The following NTNG1 variants were observed in gnomAD, a reference collection of about 807,000 sequenced individuals.
NTNG1 encodes netrin G1.
A neutral mutation model predicts 54.0 loss-of-function variants in NTNG1; 16 were observed. That is an observed-to-expected ratio of 0.30 (90% confidence interval 0.20 to 0.45). The LOEUF is 0.45. NTNG1 is among the 20% of genes least tolerant of loss of function. The pLI, the probability that NTNG1 is intolerant of heterozygous loss-of-function variation, is 1.00. For missense variants in NTNG1, 530 were observed against 678.7 expected, an observed-to-expected ratio of 0.78 and a Z score of 2.43; for synonymous variants, 255 against 263.1, an observed-to-expected ratio of 0.97 and a Z score of 0.30.
intron 3 of NTNG1, among the ~76,000 whole-genome samples, chr1:107,366,258 C>T (rs989755269): frequency 6.6e-6 from 1 of 152,132 alleles, no homozygotes; most frequent in African/African-American, 2.4e-5. Flanking sequence ...GAAAAGAGCA[C>T]GACACCAGCT....
At chr1:107,304,369 T>C (rs887580336) in intron 2 of NTNG1, among the ~76,000 whole-genome samples, 1 of 152,226 alleles carries the variant, frequency 6.6e-6, no homozygotes, top group Non-Finnish European at 1.5e-5. Context: ...AGTTGTAAGC[T>C]GCCAATAAAA....
chr1:107,189,658 A>G (rs898290629), intron 2 of NTNG1, among the ~76,000 whole-genome samples: 1 of 152,094 alleles, frequency 6.6e-6, no homozygotes, highest in Non-Finnish European at 1.5e-5. Flanking sequence ...TCCTAGCTGA[A>G]TGTATAAACC....
intron 2 of NTNG1, among the ~76,000 whole-genome samples, chr1:107,257,469 C>T (rs1177553360): frequency 6.6e-6 from 1 of 152,180 alleles, no homozygotes; most frequent in Non-Finnish European, 1.5e-5. Flanking sequence ...CTCTTTGGAA[C>T]TAGAGGATTT....
rs1668497587 is a variant in NTNG1 at position 107,334,992 on chromosome 1, T to C, written c.887+10070T>C. 2.0e-5 allele frequency among the ~76,000 whole-genome samples: 3 copies of C among 152,120 alleles called. No individual in the cohort carries two copies. The South Asian group carries it at 6.2e-4, about 31-fold the overall frequency. ...ATGTCACTTCATCCAATCAACCAGATCGCAAAGCTTCAGGCTTTAACCAAT... is the reference window on the plus strand; with the variant it reads ...ATGTCACTTCATCCAATCAACCAGACCGCAAAGCTTCAGGCTTTAACCAAT... On this transcript the variant is annotated intron_variant, in intron 3 of 7. Coordinates refer to ENST00000370068, the MANE Select transcript of NTNG1 (RefSeq NM_001113226.3).
chr1:107,443,800 C>T (rs1394576674), intron 7 of NTNG1, among the ~76,000 whole-genome samples: 1 of 152,056 alleles, frequency 6.6e-6, no homozygotes, highest in Non-Finnish European at 1.5e-5. Flanking sequence ...TCACTGAATC[C>T]AAGTTTTTAA....
chr1:107,394,865 T>C (rs1403099982), intron 3 of NTNG1, among the ~76,000 whole-genome samples: 2 of 152,144 alleles, frequency 1.3e-5, no homozygotes, highest in East Asian at 3.9e-4. Context: ...AACCCCTTGA[T>C]TTTGGAGCAC....
intron 2 of NTNG1, among the ~76,000 whole-genome samples, chr1:107,218,690 A>G (rs1466535085): frequency 1.3e-5 from 2 of 152,138 alleles, no homozygotes; most frequent in African/African-American, 4.8e-5. Flanking sequence ...TCTGTAAAAG[A>G]CTATCTTTCC....
At chr1:107,368,794 A>G (rs564368520) in intron 3 of NTNG1, among the ~76,000 whole-genome samples, 1 of 152,320 alleles carries the variant, frequency 6.6e-6, no homozygotes, top group South Asian at 2.1e-4. Flanking sequence ...GCAGTCCAAC[A>G]CTAAGACCTT....
chr1:107,305,743 A>C (rs934056090), intron 2 of NTNG1, among the ~76,000 whole-genome samples: 1 of 152,020 alleles, frequency 6.6e-6, no homozygotes, highest in African/African-American at 2.4e-5. Context: ...TCTTTAGTTT[A>C]ATTAGATCCC....
rs1023112627 is a variant in NTNG1 at position 107,156,887 on chromosome 1, G to A, written c.246+8048G>A. 2.6e-5 allele frequency among the ~76,000 whole-genome samples: 4 copies of A among 152,130 alleles called. No homozygotes were observed. In the East Asian group the frequency reaches 5.8e-4, roughly 22 times the overall value. ...ACCACATGGTATTAAGCGAAGTCAG[G>A]CCATCTCTTTGGAAGCAATAAGCTG... On this transcript the variant is annotated intron_variant, in intron 2 of 7. Coordinates refer to ENST00000370068, the MANE Select transcript of NTNG1 (RefSeq NM_001113226.3).
chr1:107,392,134 G>A (rs958821476), intron 3 of NTNG1, among the ~76,000 whole-genome samples: 5 of 152,112 alleles, frequency 3.3e-5, no homozygotes, highest in Admixed American at 1.3e-4. Flanking sequence ...TAAGTCTGAA[G>A]CCTGGGAGAG....
intron 3 of NTNG1, chr1:107,329,078 T>C (rs1450401013): frequency 6.6e-6 from 1 of 152,180 alleles, no homozygotes; most frequent in Non-Finnish European, 1.5e-5. Flanking sequence ...CAGGCTCCAT[T>C]ATAGGTAGTT....
At chr1:107,145,782 C>T (rs1005013537) in intron 1 of NTNG1, among the ~76,000 whole-genome samples, 1 of 152,072 alleles carries the variant, frequency 6.6e-6, no homozygotes, top group African/African-American at 2.4e-5. Context: ...CACTCTTCTG[C>T]ATTTTTCCTT....
At chr1:107,467,192 T>C (rs1416556026) in intron 7 of NTNG1, among the ~76,000 whole-genome samples, 2 of 152,162 alleles carry the variant, frequency 1.3e-5, no homozygotes, top group African/African-American at 4.8e-5. Context: ...AACAAATAGA[T>C]CTTTTCAAGA....
At position 107,287,431 on chromosome 1, in the gene NTNG1, G is replaced by T. The variant is rs191693576; in HGVS notation, c.247-36851G>T. Among the ~76,000 whole-genome samples the T allele has an allele frequency of 4.6e-5, 7 of 152,242 alleles. No homozygotes were observed. In the East Asian group the frequency reaches 1.4e-3, roughly 30 times the overall value. On this transcript the variant is annotated intron_variant, in intron 2 of 7. Coordinates refer to ENST00000370068, the MANE Select transcript of NTNG1 (RefSeq NM_001113226.3). Reference sequence around the variant, plus strand: ...GCCTTCAAAGACTTTCCACTGCTTGGCATGCATGCCGGAAATGTAGTCAAA... The same window carrying T: ...GCCTTCAAAGACTTTCCACTGCTTGTCATGCATGCCGGAAATGTAGTCAAA...
At chr1:107,358,972 TCA>T (rs1263795721) in intron 3 of NTNG1, among the ~76,000 whole-genome samples, 5 of 152,308 alleles carry the variant, frequency 3.3e-5, no homozygotes, top group East Asian at 3.9e-4. Flanking sequence ...GATCATTGTC[TCA>T]CAAAAAAATA....
chr1:107,143,125 A>T (rs1409186671), intron 1 of NTNG1: 1 of 152,166 alleles, frequency 6.6e-6, no homozygotes, highest in Non-Finnish European at 1.5e-5. Flanking sequence ...GAAGACCACC[A>T]TGAAGGCATT....
intron 2 of NTNG1, among the ~76,000 whole-genome samples, chr1:107,247,987 T>C (rs192280694): frequency 4.6e-5 from 7 of 152,294 alleles, no homozygotes; most frequent in Admixed American, 6.5e-5. Context: ...AGTTGTAGAG[T>C]TCCCATAGAA....
At position 107,324,109 on chromosome 1, in the gene NTNG1, CT is replaced by C. The variant is rs369145965; in HGVS notation, c.247-162del. 6.8e-3 allele frequency among the ~76,000 whole-genome samples: 990 copies of C among 145,768 alleles called. 5 individuals carry two copies. Among genetic ancestry groups the C allele is most frequent in the African/African-American group, 0.013 (535 of 39,888 alleles). ...ACAAGACAAGAAAATTACCATATTGCTTTTTTTTTTTAAAAGCTATTAAAGA... is the reference window on the plus strand; with the variant it reads ...ACAAGACAAGAAAATTACCATATTGCTTTTTTTTTTAAAAGCTATTAAAGA... On this transcript the variant is annotated intron_variant, in intron 2 of 7. Transcript: ENST00000370068.
Sources: allele counts gnomAD v4.1 joint callset (sites outside exome capture counted in the v4.1 genomes callset), GRCh38; gene constraint gnomAD v4.1.1; transcripts MANE v1.5; gene names NCBI Gene and HGNC (gene_info 2026-07-23, HGNC 2026-07-21).